SPRY3: variants seen among roughly 807,000 people sequenced by gnomAD.
SPRY3 encodes protein sprouty homolog 3.
SPRY3 carries 15 observed loss-of-function variants against 20.2 expected under a neutral mutation model. The ratio of observed to expected loss-of-function variants is 0.74; its 90% confidence interval spans 0.50 to 1.14. SPRY3 has a LOEUF of 1.14. Ranked by LOEUF, SPRY3 falls within the 50% of genes most tolerant of loss-of-function variation. The probability of loss-of-function intolerance (pLI) is 0.00; values close to 1 mark genes in which losing one functional copy is unlikely to be tolerated. For synonymous variants in SPRY3, 143 were observed against 136.5 expected, an observed-to-expected ratio of 1.05 and a Z score of -0.33; for missense variants, 364 against 363.9, an observed-to-expected ratio of 1.00 and a Z score of 0.00.
chrX:155,728,450 G>A (rs1210070157), intron 2 of SPRY3, among the ~76,000 whole-genome samples: 4 of 152,216 alleles, frequency 2.6e-5, no homozygotes, highest in African/African-American at 9.6e-5. Flanking sequence ...GCCTTGCTGA[G>A]CTACAGTGGG....
chrX:155,774,811 A>G, exon 4 of SPRY3: 5 of 1,510,042 alleles, frequency 3.3e-6, no homozygotes, highest in Non-Finnish European at 4.5e-6. Flanking sequence ...TCATCTTTGG[A>G]GAGGGGGAGG....
At chrX:155,767,487 G>A (rs1054114695) in intron 2 of SPRY3, among the ~76,000 whole-genome samples, 5 of 151,824 alleles carry the variant, frequency 3.3e-5, no homozygotes, top group Non-Finnish European at 7.4e-5. Context: ...TGCAGTTTCT[G>A]CTGCTTCGGT....
At chrX:155,686,216 T>TTC (rs2068087444) in intron 2 of SPRY3, among the ~76,000 whole-genome samples, 3 of 111,948 alleles carry the variant, frequency 2.7e-5, no homozygotes, top group African/African-American at 9.7e-5. Flanking sequence ...ATAATTTTCA[T>TTC]AATACTTTCT....
intron 3 of SPRY3, among the ~76,000 whole-genome samples, 164 bp from the exon 3 acceptor site, chrX:155,773,602 A>G (rs2124011822): frequency 6.6e-6 from 1 of 152,216 alleles, no homozygotes; most frequent in South Asian, 2.1e-4. Flanking sequence ...AGATTTGCCT[A>G]TAAAGAAGTA....
At chrX:155,719,022 A>T (rs2091039261) in intron 2 of SPRY3, among the ~76,000 whole-genome samples, 1 of 152,214 alleles carries the variant, frequency 6.6e-6, no homozygotes, top group Admixed American at 6.5e-5. Flanking sequence ...GAGTACTCAC[A>T]GTACCTGGTT....
chrX:155,776,440 A>C (rs1159704352), exon 4 of SPRY3: 2 of 167,078 alleles, frequency 1.2e-5, no homozygotes, highest in African/African-American at 4.8e-5. Flanking sequence ...AATGTAGAGA[A>C]CTGACTTCTC....
exon 3 of SPRY3, chrX:155,767,971 G>T (rs2091353530): frequency 1.3e-5 from 2 of 151,986 alleles, no homozygotes; most frequent in African/African-American, 2.4e-5. Flanking sequence ...GAACAAGACA[G>T]AACTATCTCT....
chrX:155,769,874 A>AAAC (rs1346392738), intron 3 of SPRY3, among the ~76,000 whole-genome samples: 1 of 152,200 alleles, frequency 6.6e-6, no homozygotes, highest in Non-Finnish European at 1.5e-5. Flanking sequence ...TTAGTAATGT[A>AAAC]AACTATATAC....
At chrX:155,722,196 C>A (rs2091063857) in intron 2 of SPRY3, among the ~76,000 whole-genome samples, 1 of 152,066 alleles carries the variant, frequency 6.6e-6, no homozygotes, top group East Asian at 1.9e-4. Flanking sequence ...CTCATGGTAA[C>A]CTGAAATCAA....
chrX:155,650,184 T>C (rs1317083857), intron 1 of SPRY3, among the ~76,000 whole-genome samples: 3 of 111,474 alleles, frequency 2.7e-5, no homozygotes, highest in Non-Finnish European at 5.7e-5. Flanking sequence ...GCCATACTGC[T>C]CATAGTAATT....
chrX:155,721,810 A>G (rs1162412719), intron 2 of SPRY3, among the ~76,000 whole-genome samples: 1 of 152,188 alleles, frequency 6.6e-6, no homozygotes, highest in Non-Finnish European at 1.5e-5. Flanking sequence ...AATGCTAAAC[A>G]GGGTAATTCA....
At chrX:155,711,043 G>T (rs1171575888) in intron 2 of SPRY3, among the ~76,000 whole-genome samples, 1 of 151,654 alleles carries the variant, frequency 6.6e-6, no homozygotes, top group Non-Finnish European at 1.5e-5. Context: ...TCTTCTCAGT[G>T]TGTTGTGCAA....
chrX:155,771,892 G>C, intron 3 of SPRY3, among the ~76,000 whole-genome samples: 1 of 152,256 alleles, frequency 6.6e-6, no homozygotes, highest in East Asian at 1.9e-4. Flanking sequence ...AGATACGGAT[G>C]AAAAGAAATA....
intron 2 of SPRY3, among the ~76,000 whole-genome samples, chrX:155,723,505 G>A (rs1157271900): frequency 6.6e-6 from 1 of 152,128 alleles, no homozygotes; most frequent in Non-Finnish European, 1.5e-5. Context: ...TCTCATTGTG[G>A]TTTTGATTTG....
At chrX:155,627,164 C>T (rs1037144561) in intron 1 of SPRY3, among the ~76,000 whole-genome samples, 18 of 111,500 alleles carry the variant, frequency 1.6e-4, no homozygotes, top group East Asian at 1.1e-3. Flanking sequence ...CCATACTGTA[C>T]GATAGAACTT....
intron 2 of SPRY3, among the ~76,000 whole-genome samples, chrX:155,723,653 G>C (rs776216905): frequency 6.6e-6 from 1 of 152,182 alleles, no homozygotes; most frequent in Non-Finnish European, 1.5e-5. Context: ...TTGTAAATTT[G>C]TTTAAGTTCC....
chrX:155,636,461 A>G (rs1330564561), intron 1 of SPRY3, among the ~76,000 whole-genome samples: 1 of 111,954 alleles, frequency 8.9e-6, no homozygotes, highest in Non-Finnish European at 1.9e-5. Flanking sequence ...CTAAGGATAT[A>G]TGAATTAGTT....
downstream of SPRY3, chrX:155,778,860 T>C (rs1279189962): frequency 6.0e-6 from 1 of 167,074 alleles, no homozygotes; most frequent in East Asian, 1.9e-4. Context: ...CCAGAGTTCC[T>C]AATTTCCAGG....
At chrX:155,708,497 G>A (rs1378019227) in intron 2 of SPRY3, among the ~76,000 whole-genome samples, 4 of 151,194 alleles carry the variant, frequency 2.6e-5, no homozygotes, top group Non-Finnish European at 5.9e-5. Flanking sequence ...GTGGCTGTTT[G>A]TATTTATCTT....
Sources: gnomAD v4.1 joint callset for allele counts (sites outside exome capture counted in the v4.1 genomes callset) on GRCh38, gnomAD v4.1.1 for gene constraint, MANE v1.5 for transcripts, NCBI Gene and HGNC (gene_info 2026-07-23, HGNC 2026-07-21) for gene names.